Variants in FAF1 observed in about 807,000 individuals in gnomAD.
The protein encoded by FAF1 is Fas associated factor 1.
FAF1 carries 25 observed loss-of-function variants against 92.5 expected under a neutral mutation model. The observed-to-expected ratio is 0.27, with a 90% CI of 0.20 to 0.38. The LOEUF is 0.38. FAF1 is among the 10% of genes least tolerant of loss of function. The pLI, the probability that FAF1 is intolerant of heterozygous loss-of-function variation, is 1.00. For synonymous variants in FAF1, 234 were observed against 273.2 expected (o/e 0.86, Z 1.42); for missense variants, 636 against 793.3 (o/e 0.80, Z 2.38).
At chr1:50,484,092 A>G (rs1440296409) in intron 17 of FAF1, among the ~76,000 whole-genome samples, 3 of 152,218 alleles carry the variant, frequency 2.0e-5, no homozygotes, top group Non-Finnish European at 4.4e-5. Flanking sequence ...AATATAGTCA[A>G]TATAATAGTC....
chr1:50,466,715 G>C (rs1646500769), intron 18 of FAF1, among the ~76,000 whole-genome samples: 1 of 152,084 alleles, frequency 6.6e-6, no homozygotes. Context: ...ATTTTATGTG[G>C]AATAAAGCCA....
chr1:50,736,590 A>C (rs1262700273), intron 6 of FAF1, among the ~76,000 whole-genome samples: 1 of 152,120 alleles, frequency 6.6e-6, no homozygotes, highest in African/African-American at 2.4e-5. Context: ...TCTCTACTAA[A>C]AATACCAAAA....
chr1:50,451,249 G>A (rs928195908), intron 18 of FAF1, among the ~76,000 whole-genome samples: 1 of 152,172 alleles, frequency 6.6e-6, no homozygotes, highest in African/African-American at 2.4e-5. Flanking sequence ...AAGTAAGAGA[G>A]GAATAGAAAT....
At chr1:50,591,400 C>T (rs1651498904) in intron 9 of FAF1, among the ~76,000 whole-genome samples, 1 of 152,180 alleles carries the variant, frequency 6.6e-6, no homozygotes, top group Non-Finnish European at 1.5e-5. Flanking sequence ...TGGCCAGGTG[C>T]AGTGGCTCAT....
chr1:50,809,175 G>T (rs12087317), intron 2 of FAF1, among the ~76,000 whole-genome samples: 1 of 151,906 alleles, frequency 6.6e-6, no homozygotes, highest in African/African-American at 2.4e-5. Flanking sequence ...AAGTTAGAAA[G>T]ACCTCAAATT....
At chr1:50,860,468 G>T (rs1644423248) in intron 1 of FAF1, among the ~76,000 whole-genome samples, 1 of 151,772 alleles carries the variant, frequency 6.6e-6, no homozygotes, top group Non-Finnish European at 1.5e-5. Context: ...CTCAAAAGAA[G>T]ACGTACACAT....
At chr1:50,782,912 A>G (rs566088189) in intron 4 of FAF1, among the ~76,000 whole-genome samples, 6 of 152,244 alleles carry the variant, frequency 3.9e-5, no homozygotes, top group African/African-American at 1.4e-4. Flanking sequence ...TAAGCATCCC[A>G]TTAAGGTGTT....
chr1:50,478,906 C>T (rs552458814), intron 17 of FAF1, among the ~76,000 whole-genome samples: 23 of 152,170 alleles, frequency 1.5e-4, no homozygotes, highest in African/African-American at 5.3e-4. Context: ...AAAAAGTGCA[C>T]AAATCTTAAG....
chr1:50,741,470 T>G (rs1659386517), intron 5 of FAF1, among the ~76,000 whole-genome samples: 1 of 152,196 alleles, frequency 6.6e-6, no homozygotes, highest in Non-Finnish European at 1.5e-5. Flanking sequence ...AAGCTATGTT[T>G]TAATGGGAGA....
intron 15 of FAF1, among the ~76,000 whole-genome samples, chr1:50,495,959 T>C (rs1646893336): frequency 6.6e-6 from 1 of 152,162 alleles, no homozygotes; most frequent in Non-Finnish European, 1.5e-5. Flanking sequence ...AGCCATTGAA[T>C]TTTATTACAA....
intron 2 of FAF1, chr1:50,846,365 C>T (rs1258036273): frequency 3.2e-6 from 1 of 308,804 alleles, no homozygotes; most frequent in Non-Finnish European, 6.2e-6. Flanking sequence ...GCCCAGGAGA[C>T]GTCAGGCCCG....
intron 15 of FAF1, among the ~76,000 whole-genome samples, chr1:50,527,286 G>A (rs1166688911): frequency 1.3e-5 from 2 of 152,092 alleles, no homozygotes; most frequent in East Asian, 1.9e-4. Context: ...CTTGTATATC[G>A]TCCTTGGAGA....
Position 50,591,023 on chromosome 1 carries a change from T to C in FAF1, c.840+5098A>G, listed in dbSNP as rs145481911. Among the ~76,000 whole-genome samples, 99 of 152,200 alleles carry C rather than the reference T, an allele frequency of 6.5e-4. No individual in the cohort carries two copies. The East Asian group carries it at 0.018, about 28-fold the overall frequency. On this transcript the variant is annotated intron_variant, in intron 9 of 18. Transcript: ENST00000396153. Reference sequence around the variant, plus strand: ...AGAAAGAAAGGGGTCATTCTTATCTTGTTCCTGATTTTAGAGAAAAAGTTT... The same window carrying C: ...AGAAAGAAAGGGGTCATTCTTATCTCGTTCCTGATTTTAGAGAAAAAGTTT...
At chr1:50,804,961 G>C (rs1012618559) in intron 2 of FAF1, among the ~76,000 whole-genome samples, 1 of 152,166 alleles carries the variant, frequency 6.6e-6, no homozygotes, top group Non-Finnish European at 1.5e-5. Flanking sequence ...AGATCAATAA[G>C]ATCTGGACTG....
intron 8 of FAF1, among the ~76,000 whole-genome samples, chr1:50,641,942 C>T (rs1020289259): frequency 6.6e-6 from 1 of 151,936 alleles, no homozygotes; most frequent in Non-Finnish European, 1.5e-5. Flanking sequence ...GGGGCTCATG[C>T]TTGTAATCCT....
chr1:50,744,568 T>C (rs1423787247), intron 5 of FAF1, 116 bp downstream of exon 5: 4 of 681,220 alleles, frequency 5.9e-6, no homozygotes, highest in African/African-American at 1.8e-5. Flanking sequence ...TAAATTACTA[T>C]TGCCAAATCT....
intron 2 of FAF1, among the ~76,000 whole-genome samples, chr1:50,826,510 A>T (rs1478785617): frequency 6.6e-6 from 1 of 151,914 alleles, no homozygotes; most frequent in Non-Finnish European, 1.5e-5. Context: ...AGATCGTGCC[A>T]CTGCACTGGA....
chr1:50,685,058 G>A (rs1349063462), intron 7 of FAF1, among the ~76,000 whole-genome samples: 1 of 152,194 alleles, frequency 6.6e-6, no homozygotes, highest in Non-Finnish European at 1.5e-5. Context: ...CCTGAAGGAT[G>A]TGTCAGCTGA....
At position 50,955,443 on chromosome 1, in the gene FAF1, G is replaced by C. The variant is rs147753286; in HGVS notation, c.45+4324C>G. Among the ~76,000 whole-genome samples, 568 of 152,302 alleles carry C rather than the reference G, an allele frequency of 3.7e-3. 3 individuals carry two copies. Among genetic ancestry groups the C allele is most frequent in the African/African-American group, 0.013 (551 of 41,570 alleles). ...TAACATACTATGTACGTGTAAAACT[G>C]ATTTTTGGTCAAATATTCCAAATTC... On this transcript the variant is annotated intron_variant, in intron 1 of 18. Transcript: ENST00000396153.
Sources: allele counts gnomAD v4.1 joint callset (sites outside exome capture counted in the v4.1 genomes callset), GRCh38; gene constraint gnomAD v4.1.1; transcripts MANE v1.5; gene names NCBI Gene and HGNC (gene_info 2026-07-23, HGNC 2026-07-21).